NKAIN2: variants seen among roughly 807,000 people sequenced by gnomAD.
NKAIN2 encodes sodium/potassium transporting ATPase interacting 2, also known as sodium/potassium-transporting ATPase subunit beta-1-interacting protein 2.
In NKAIN2, 14 loss-of-function variants were observed where a neutral mutation model predicts 32.6. The observed-to-expected ratio is 0.43, with a 90% CI of 0.28 to 0.67. The LOEUF is 0.67. NKAIN2 is among the 30% of genes least tolerant of loss of function. The pLI is 0.17. For synonymous variants in NKAIN2, 80 were observed against 87.2 expected, an observed-to-expected ratio of 0.92 and a Z score of 0.46; for missense variants, 198 against 258.3, an observed-to-expected ratio of 0.77 and a Z score of 1.60.
intron 3 of NKAIN2, among the ~76,000 whole-genome samples, chr6:124,474,712 T>C (rs1365037003): frequency 6.6e-6 from 1 of 151,390 alleles, no homozygotes; most frequent in East Asian, 1.9e-4. Flanking sequence ...TAAGCTAGTA[T>C]TAGAAGCAAT....
intron 1 of NKAIN2, among the ~76,000 whole-genome samples, chr6:124,146,960 A>T (rs568501032): frequency 1.3e-5 from 2 of 152,168 alleles, no homozygotes; most frequent in Admixed American, 1.3e-4. Flanking sequence ...TTCATCTCCT[A>T]AACTGGGTGA....
intron 1 of NKAIN2, among the ~76,000 whole-genome samples, chr6:124,216,043 G>A (rs1314414118): frequency 1.3e-5 from 2 of 151,114 alleles, no homozygotes; most frequent in African/African-American, 4.9e-5. Context: ...ACTTGAACCC[G>A]GGAGGCAGAG....
At chr6:124,719,335 T>G (rs1775907046) in intron 4 of NKAIN2, among the ~76,000 whole-genome samples, 1 of 152,134 alleles carries the variant, frequency 6.6e-6, no homozygotes, top group African/African-American at 2.4e-5. Flanking sequence ...TATGGTACAT[T>G]AAGTCCCTAG....
chr6:124,712,186 C>T (rs1309701669), intron 4 of NKAIN2, among the ~76,000 whole-genome samples: 12 of 150,802 alleles, frequency 8.0e-5, no homozygotes, highest in Admixed American at 1.3e-4. Context: ...CTCAGATCTC[C>T]AGCTGCGTGC....
At chr6:124,654,671 G>A (rs1157513059) in intron 3 of NKAIN2, among the ~76,000 whole-genome samples, 1 of 152,090 alleles carries the variant, frequency 6.6e-6, no homozygotes. Context: ...CATTAGAGTG[G>A]GCTCTAGGCC....
intron 1 of NKAIN2, among the ~76,000 whole-genome samples, chr6:124,217,344 A>C (rs982258365): frequency 6.6e-6 from 1 of 152,098 alleles, no homozygotes; most frequent in Non-Finnish European, 1.5e-5. Flanking sequence ...AATAAAAATA[A>C]AGTTTTGATA....
chr6:124,656,141 C>T (rs532549935), intron 3 of NKAIN2, among the ~76,000 whole-genome samples: 1 of 152,074 alleles, frequency 6.6e-6, no homozygotes, highest in Non-Finnish European at 1.5e-5. Flanking sequence ...AAAAACATTC[C>T]TTTCTCATGA....
At chr6:124,344,397 C>CA (rs1253189394) in intron 2 of NKAIN2, among the ~76,000 whole-genome samples, 1 of 151,706 alleles carries the variant, frequency 6.6e-6, no homozygotes, top group Non-Finnish European at 1.5e-5. Flanking sequence ...ATGGGGATGG[C>CA]ATTGAATCTA....
At chr6:124,498,441 C>T (rs557249790) in intron 3 of NKAIN2, among the ~76,000 whole-genome samples, 33 of 151,990 alleles carry the variant, frequency 2.2e-4, no homozygotes, top group African/African-American at 7.7e-4. Flanking sequence ...TCGGTGAGGG[C>T]TTAGCTAACT....
intron 2 of NKAIN2, among the ~76,000 whole-genome samples, chr6:124,314,752 C>T (rs988584577): frequency 2.6e-5 from 4 of 152,166 alleles, no homozygotes; most frequent in Admixed American, 2.0e-4. Flanking sequence ...TGTGAGCCCT[C>T]AACAGCTAAT....
At chr6:124,752,100 T>G (rs1777748727) in intron 4 of NKAIN2, among the ~76,000 whole-genome samples, 2 of 152,034 alleles carry the variant, frequency 1.3e-5, no homozygotes, top group African/African-American at 2.4e-5. Flanking sequence ...TAGCTTTACT[T>G]TTTATTTCAC....
intron 1 of NKAIN2, among the ~76,000 whole-genome samples, chr6:123,977,003 G>A (rs534048189): frequency 6.6e-6 from 1 of 152,122 alleles, no homozygotes; most frequent in African/African-American, 2.4e-5. Flanking sequence ...AAAAAGAAAT[G>A]TGGGATATTA....
chr6:124,080,799 C>T (rs1783931802), intron 1 of NKAIN2, among the ~76,000 whole-genome samples: 2 of 152,064 alleles, frequency 1.3e-5, no homozygotes, highest in African/African-American at 4.8e-5. Flanking sequence ...TCCTGTATTT[C>T]TATAAATGGG....
At chr6:123,948,597 A>ATTTTTTTTTTTTTTT (rs71021472) in intron 1 of NKAIN2, among the ~76,000 whole-genome samples, 8 of 49,316 alleles carry the variant, frequency 1.6e-4, no homozygotes, top group Non-Finnish European at 2.9e-4. Flanking sequence ...CTTAAATGGG[A>ATTTTTTTTTTTTTTT]TTTTTTTTTT....
chr6:124,437,872 AT>A (rs374033234), intron 3 of NKAIN2: 22,032 of 341,104 alleles, frequency 0.065, 804 homozygotes, highest in African/African-American at 0.22. Context: ...TGATCTATTG[AT>A]TTTTTTTTTT....
chr6:123,932,255 G>A (rs991934105), intron 1 of NKAIN2, among the ~76,000 whole-genome samples: 2 of 151,948 alleles, frequency 1.3e-5, no homozygotes, highest in African/African-American at 2.4e-5. Context: ...TTTAATTCCA[G>A]TGAGACCCTC....
At chr6:123,945,251 A>G (rs1777010508) in intron 1 of NKAIN2, among the ~76,000 whole-genome samples, 1 of 152,050 alleles carries the variant, frequency 6.6e-6, no homozygotes, top group African/African-American at 2.4e-5. Flanking sequence ...TAACTGGTCA[A>G]GATTAGTCCA....
At chr6:124,030,377 C>T (rs1317873316) in intron 1 of NKAIN2, among the ~76,000 whole-genome samples, 1 of 152,138 alleles carries the variant, frequency 6.6e-6, no homozygotes, top group Non-Finnish European at 1.5e-5. Context: ...TAAGATGTTC[C>T]ATTGCCTCCA....
At chr6:124,505,354 T>A (rs1778435350) in intron 3 of NKAIN2, among the ~76,000 whole-genome samples, 1 of 152,324 alleles carries the variant, frequency 6.6e-6, no homozygotes, top group African/African-American at 2.4e-5. Context: ...GAGCTCTGTG[T>A]AGCTCCTCTA....
Sources: allele counts gnomAD v4.1 joint callset (sites outside exome capture counted in the v4.1 genomes callset), GRCh38; gene constraint gnomAD v4.1.1; transcripts MANE v1.5; gene names NCBI Gene and HGNC (gene_info 2026-07-23, HGNC 2026-07-21).